Variants in CCDC63 observed in about 807,000 individuals in gnomAD.
CCDC63 encodes coiled-coil domain containing 63.
CCDC63 carries 54 observed loss-of-function variants against 63.6 expected under a neutral mutation model. The ratio of observed to expected loss-of-function variants is 0.85; its 90% CI spans 0.68 to 1.07. The LOEUF (loss-of-function observed/expected upper bound fraction) is 1.07. Among genes scored for constraint, CCDC63 ranks in the 50% least tolerant of loss-of-function variants. The pLI is 0.00. For missense variants in CCDC63, 637 were observed against 689.6 expected, an observed-to-expected ratio of 0.92 and a Z score of 0.86; for synonymous variants, 253 against 266.1, an observed-to-expected ratio of 0.95 and a Z score of 0.48.
chr12:110,891,163 A>T (rs1452169687), intron 8 of CCDC63, among the ~76,000 whole-genome samples: 1 of 151,546 alleles, frequency 6.6e-6, no homozygotes, highest in Non-Finnish European at 1.5e-5. Flanking sequence ...TGCACATTCC[A>T]GGCTGGGTGT....
rs199743269 is a variant in CCDC63, at chr12:110,906,048, A to AATAT, written c.1546+1265_1546+1268dup. Reference sequence around the variant, plus strand: ...TATATATTATAATAATATAATATATAATATATATATAATATATATACTTTT... The same window carrying AATAT: ...TATATATTATAATAATATAATATATAATATATATATATATAATATATATACTTTT... On this transcript the variant is annotated intron_variant, in intron 11 of 11. Coordinates refer to ENST00000308208, the MANE Select transcript of CCDC63 (RefSeq NM_152591.3). 5.6e-4 allele frequency among the ~76,000 whole-genome samples: 42 copies of AATAT among 75,548 alleles called. 1 individual carries two copies. The highest frequency in any genetic ancestry group is 2.4e-3 in the African/African-American group (41 of 17,232). The allele number at this position is 75,548 out of a possible 152,430, so 49.6% of individuals were successfully genotyped here.
chr12:110,848,380 T>G, intron 1 of CCDC63, among the ~76,000 whole-genome samples: 1 of 150,846 alleles, frequency 6.6e-6, no homozygotes, highest in Non-Finnish European at 1.5e-5. Context: ...AGGATGGGGG[T>G]GAGGGGGTGG....
At chr12:110,870,868 T>C (rs1366850993) in intron 4 of CCDC63, among the ~76,000 whole-genome samples, 1 of 152,200 alleles carries the variant, frequency 6.6e-6, no homozygotes, top group East Asian at 1.9e-4. Flanking sequence ...AGCTTCCCCC[T>C]TTCTAGAAGT....
chr12:110,845,051 C>T (rs1192119756), upstream of CCDC63, among the ~76,000 whole-genome samples: 3 of 152,104 alleles, frequency 2.0e-5, no homozygotes, highest in East Asian at 3.8e-4. Context: ...CTCCAAGTCC[C>T]GCTGATAAAG....
chr12:110,888,137 A>G (rs1052077269), intron 8 of CCDC63, among the ~76,000 whole-genome samples: 2 of 152,034 alleles, frequency 1.3e-5, no homozygotes, highest in Admixed American at 1.3e-4. Flanking sequence ...CAGGGCCCGC[A>G]GAGCTTAGCG....
At chr12:110,860,226 C>T (rs1222481848) in intron 4 of CCDC63, among the ~76,000 whole-genome samples, 1 of 152,196 alleles carries the variant, frequency 6.6e-6, no homozygotes, top group East Asian at 1.9e-4. Flanking sequence ...CCCTCTGATC[C>T]TCAGTGCAAG....
chr12:110,876,055 G>A (rs1022061126), intron 5 of CCDC63, among the ~76,000 whole-genome samples: 1 of 149,456 alleles, frequency 6.7e-6, no homozygotes, highest in Non-Finnish European at 1.5e-5. Context: ...GCAGTGAGCC[G>A]AGATTGTGCC....
chr12:110,904,662 G>A lies in CCDC63; in HGVS notation c.1417G>A (p.Glu473Lys), dbSNP rs1342758085. ...YRRILEVEGAEAEIPPPFINP... is the reference protein window; with the variant it reads ...YRRILEVEGAKAEIPPPFINP... ...GCGCATCCTGGAAGTGGAAGGGGCAGAGGCTGAGATCCCGCCACCCTTCAT... is the reference window on the plus strand; with the variant it reads ...GCGCATCCTGGAAGTGGAAGGGGCAAAGGCTGAGATCCCGCCACCCTTCAT... The change falls in exon 11 of 12, where the codon GAG becomes AAG. Residue 473 changes from glutamate (E) to lysine (K), a missense_variant. Physicochemically the swap from Glu to Lys is moderately conservative, Grantham distance 56. Transcript: ENST00000308208. 1 of 1,614,154 alleles carries A rather than the reference G, an allele frequency of 6.2e-7. No individual in the cohort carries two copies. The highest frequency in any genetic ancestry group is 1.7e-5 in the Admixed American group (1 of 60,016).
chr12:110,903,793 G>GT (rs2071521860), intron 10 of CCDC63, among the ~76,000 whole-genome samples: 1 of 152,162 alleles, frequency 6.6e-6, no homozygotes, highest in African/African-American at 2.4e-5. Flanking sequence ...CAGGAAGTGT[G>GT]TAGGGAAAGG....
chr12:110,852,557 G>A lies in CCDC63; in HGVS notation c.-96-302G>A, dbSNP rs149642113. 1.7e-4 allele frequency among the ~76,000 whole-genome samples: 26 copies of A among 152,154 alleles called. No homozygotes were observed. In the East Asian group the frequency reaches 2.5e-3, roughly 15 times the overall value. On this transcript the variant is annotated intron_variant, in intron 1 of 11. Transcript: ENST00000308208. ...GTTACAGGCATAAGCCACCATGCCC[G>A]GCCCCCTGATGCCATTTTGCCCCCT...
chr12:110,863,457 T>C (rs1204243240), intron 4 of CCDC63, among the ~76,000 whole-genome samples: 2 of 151,974 alleles, frequency 1.3e-5, no homozygotes, highest in South Asian at 2.1e-4. Flanking sequence ...TCTCAAGAGG[T>C]ATTAATTGAG....
At chr12:110,864,150 G>A (rs2070904005) in intron 4 of CCDC63, among the ~76,000 whole-genome samples, 1 of 152,254 alleles carries the variant, frequency 6.6e-6, no homozygotes, top group African/African-American at 2.4e-5. Context: ...GAGTAGACCA[G>A]GGGTAGCAAA....
intron 1 of CCDC63, among the ~76,000 whole-genome samples, chr12:110,849,645 C>G (rs2070681789): frequency 6.6e-6 from 1 of 151,840 alleles, no homozygotes; most frequent in African/African-American, 2.4e-5. Context: ...ATTACAGGTG[C>G]CCACCACCAT....
chr12:110,865,151 T>G (rs1001717101), intron 4 of CCDC63, among the ~76,000 whole-genome samples: 2 of 152,122 alleles, frequency 1.3e-5, no homozygotes. Flanking sequence ...CACGGTGGCC[T>G]TGGATATGGG....
intron 3 of CCDC63, among the ~76,000 whole-genome samples, chr12:110,854,727 A>G (rs2070749988): frequency 6.6e-6 from 1 of 152,224 alleles, no homozygotes; most frequent in South Asian, 2.1e-4. Context: ...ATAAAGGCAG[A>G]AACTGTCCAT....
At chr12:110,900,363 A>G (rs138538946) in intron 10 of CCDC63, among the ~76,000 whole-genome samples, 154 of 152,312 alleles carry the variant, frequency 1.0e-3, no homozygotes, top group Middle Eastern at 6.8e-3. Flanking sequence ...TCAGTGCTGT[A>G]CTGGAGGCCC....
At chr12:110,868,130 G>A (rs1241725349) in intron 4 of CCDC63, among the ~76,000 whole-genome samples, 1 of 149,414 alleles carries the variant, frequency 6.7e-6, no homozygotes, top group Non-Finnish European at 1.5e-5. Flanking sequence ...CATTTCAGAC[G>A]ATGGGCGGCC....
At chr12:110,875,832 C>T (rs1478306321) in intron 5 of CCDC63, among the ~76,000 whole-genome samples, 1 of 152,162 alleles carries the variant, frequency 6.6e-6, no homozygotes, top group Non-Finnish European at 1.5e-5. Context: ...TGGCTCACGC[C>T]TGTAATCCCA....
Position 110,907,354 on chromosome 12 carries a change from A to G in CCDC63, c.1570A>G (p.Ser524Gly), listed in dbSNP as rs2071603734. Residue 524 changes from serine (S) to glycine (G), a missense_variant, in exon 12 of 12, where the codon AGC becomes GGC. Coordinates refer to ENST00000308208, the MANE Select transcript of CCDC63 (RefSeq NM_152591.3). The surrounding 1 kb of genome is among the most constrained non-coding windows in gnomAD (Gnocchi z 4.4). ...AGTGGAACAGCCCCTGGACCACAGC[A>G]GCCTTCGGCAGCTGGTTCTCGACAA... The part of the protein sequence containing the change: ...DDVEQPLDHS[S>G]LRQLVLDNYI... 1 of 1,613,844 alleles carries G rather than the reference A, an allele frequency of 6.2e-7. No homozygotes were observed.
Sources: allele counts gnomAD v4.1 joint callset (sites outside exome capture counted in the v4.1 genomes callset), GRCh38; gene constraint gnomAD v4.1.1; non-coding constraint Gnocchi (gnomAD v3.1); transcripts MANE v1.5; gene names NCBI Gene and HGNC (gene_info 2026-07-23, HGNC 2026-07-21).